RBM18: variants seen among roughly 807,000 people sequenced by gnomAD.
RBM18 encodes the protein RNA binding motif protein 18.
Under a neutral mutation model 26.4 loss-of-function variants are expected in RBM18, and 18 were observed. The observed-to-expected ratio is 0.68, with a 90% CI of 0.47 to 1.01. The LOEUF is 1.01. RBM18 is among the 50% of genes least tolerant of loss of function. The pLI is 0.00. For missense variants in RBM18, 180 were observed against 219.2 expected (o/e 0.82, Z 1.13); for synonymous variants, 74 against 81.1 (o/e 0.91, Z 0.47).
At chr9:122,261,163 G>A (rs1326018399) in intron 2 of RBM18, among the ~76,000 whole-genome samples, 1 of 152,026 alleles carries the variant, frequency 6.6e-6, no homozygotes, top group East Asian at 1.9e-4. Flanking sequence ...ACAGGTATAT[G>A]GATTAAAGGA....
Position 122,247,619 on chromosome 9 carries a change from G to C in RBM18, c.241-15C>G. On this transcript the variant is annotated splice_polypyrimidine_tract_variant and intron_variant, in intron 3 of 5. Transcript: ENST00000417201. ...TGCTCTGCTTCCTGTCCAGGAAAGG[G>C]ACAAATGTTAGTTAAAAACTGAAAT... 1.2e-6 allele frequency: 2 copies of C among 1,608,088 alleles called. No homozygotes were observed. The highest frequency in any genetic ancestry group is 1.7e-6 in the Non-Finnish European group (2 of 1,174,984).
At chr9:122,250,186 T>G (rs1831577775) in intron 3 of RBM18, among the ~76,000 whole-genome samples, 1 of 151,848 alleles carries the variant, frequency 6.6e-6, no homozygotes, top group Admixed American at 6.6e-5. Context: ...GTACAAAAAT[T>G]AGAGGAAATA....
chr9:122,256,867 C>G (rs1831705467), intron 2 of RBM18, among the ~76,000 whole-genome samples: 1 of 152,128 alleles, frequency 6.6e-6, no homozygotes, highest in Admixed American at 6.5e-5. Flanking sequence ...ATGCTCAGAT[C>G]ATTTAGCTGA....
intron 4 of RBM18, among the ~76,000 whole-genome samples, chr9:122,246,445 T>C (rs1831506891): frequency 6.6e-6 from 1 of 152,250 alleles, no homozygotes; most frequent in South Asian, 2.1e-4. Context: ...TGGAGGATGA[T>C]TTCTCTTGCG....
At chr9:122,251,362 A>G (rs1272873938) in intron 3 of RBM18, among the ~76,000 whole-genome samples, 1 of 152,236 alleles carries the variant, frequency 6.6e-6, no homozygotes, top group Non-Finnish European at 1.5e-5. Flanking sequence ...CCATGTATAT[A>G]TCATGGTTGA....
chr9:122,237,752 G>A lies in RBM18; in HGVS notation c.*4132C>T, dbSNP rs892768481. The A allele has an allele frequency of 6.6e-6, 1 of 152,154 alleles. No homozygotes were observed. The highest frequency in any genetic ancestry group is 1.5e-5 in the Non-Finnish European group (1 of 68,032). 9.4% of individuals were successfully genotyped at this position (152,154 alleles called of 1,614,324 possible). ...GGCAAATTTTTCCTGTAAAGGGACCGATAGTATATATTTCAGGTTTTGTAG... is the reference window on the plus strand; with the variant it reads ...GGCAAATTTTTCCTGTAAAGGGACCAATAGTATATATTTCAGGTTTTGTAG... On this transcript the variant is annotated 3_prime_UTR_variant, in exon 6 of 6. Coordinates refer to ENST00000417201, the MANE Select transcript of RBM18 (RefSeq NM_033117.4).
intron 5 of RBM18, among the ~76,000 whole-genome samples, chr9:122,243,142 T>A (rs1410982073): frequency 6.6e-6 from 1 of 152,134 alleles, no homozygotes; most frequent in Non-Finnish European, 1.5e-5. Flanking sequence ...CTGATTTTTT[T>A]AACTTTTTTT....
chr9:122,250,081 G>A (rs115661980), intron 3 of RBM18, among the ~76,000 whole-genome samples: 543 of 29,920 alleles, frequency 0.018, 2 homozygotes, highest in Middle Eastern at 0.083. Flanking sequence ...AAAAAAAAAA[G>A]AATGCTAATT....
At chr9:122,247,238 C>T (rs557521526) in intron 4 of RBM18, among the ~76,000 whole-genome samples, 7 of 151,996 alleles carry the variant, frequency 4.6e-5, no homozygotes, top group Non-Finnish European at 1.0e-4. Context: ...ACCCTCCACC[C>T]GAAGAAATGA....
intron 1 of RBM18, among the ~76,000 whole-genome samples, chr9:122,263,921 C>T (rs186378459): frequency 7.6e-4 from 116 of 152,366 alleles, no homozygotes; most frequent in African/African-American, 2.8e-3. Flanking sequence ...TAAGCATCCT[C>T]TCGATAGAAA....
intron 2 of RBM18, among the ~76,000 whole-genome samples, chr9:122,258,053 T>C (rs547963759): frequency 1.3e-5 from 2 of 152,236 alleles, no homozygotes; most frequent in African/African-American, 2.4e-5. Context: ...TGGGAATTAC[T>C]GCATTTTATA....
At chr9:122,257,392 C>T (rs536005770) in intron 2 of RBM18, among the ~76,000 whole-genome samples, 12 of 152,300 alleles carry the variant, frequency 7.9e-5, no homozygotes, top group Middle Eastern at 3.4e-3. Flanking sequence ...GTGATCCGCC[C>T]GCCTCTGCCT....
At position 122,240,498 on chromosome 9, in the gene RBM18, G is replaced by A. The variant is rs959021405; in HGVS notation, c.*1386C>T. 2 of 152,186 alleles carry A rather than the reference G, an allele frequency of 1.3e-5. No individual in the cohort carries two copies. Among genetic ancestry groups the A allele is most frequent in the African/African-American group, 4.8e-5 (2 of 41,440 alleles). The allele number at this position is 152,186 out of a possible 1,614,324, so 9.4% of individuals were successfully genotyped here. A position where few individuals can be genotyped will look rare whatever the true frequency, so the allele number is the denominator to read the frequency against. On this transcript the variant is annotated 3_prime_UTR_variant, in exon 6 of 6. Transcript: ENST00000417201. ...ATTTATACTCATGGGAAGATGTTAA[G>A]TTCCTATATTGAAAGCTTCCTCTTG...
intron 4 of RBM18, 90 bp downstream of exon 4, chr9:122,247,428 G>A (rs1398899306): frequency 4.7e-6 from 5 of 1,060,452 alleles, no homozygotes; most frequent in African/African-American, 1.5e-5. Flanking sequence ...GGTGTGAAGA[G>A]ATTGGGACAT....
At chr9:122,253,741 C>G (rs1395361511) in intron 2 of RBM18, among the ~76,000 whole-genome samples, 1 of 148,924 alleles carries the variant, frequency 6.7e-6, no homozygotes, top group Non-Finnish European at 1.5e-5. Flanking sequence ...AAAAAAAAAT[C>G]TAGGCCAGGC....
chr9:122,258,802 T>C (rs1221911805), intron 2 of RBM18, among the ~76,000 whole-genome samples: 1 of 148,248 alleles, frequency 6.7e-6, no homozygotes, highest in Non-Finnish European at 1.5e-5. Flanking sequence ...AACAACAAAC[T>C]AGCCAGGCAT....
intron 5 of RBM18, among the ~76,000 whole-genome samples, chr9:122,243,135 A>AT (rs915926215): frequency 2.0e-4 from 31 of 151,836 alleles, no homozygotes; most frequent in African/African-American, 7.0e-4. Flanking sequence ...GCCCCATCTG[A>AT]TTTTTTTAAC....
chr9:122,250,258 A>G (rs1378090153), intron 3 of RBM18, among the ~76,000 whole-genome samples: 3 of 152,180 alleles, frequency 2.0e-5, no homozygotes, highest in African/African-American at 7.2e-5. Flanking sequence ...ACATACTGAT[A>G]TATCATTTCT....
At chr9:122,261,284 T>A (rs2118977219) in intron 2 of RBM18, 96 bp downstream of exon 2, 1 of 814,774 alleles carries the variant, frequency 1.2e-6, no homozygotes, top group African/African-American at 1.7e-5. Context: ...TAAAAGGGTC[T>A]AAGTATATCC....
Sources: gnomAD v4.1 joint callset for allele counts (sites outside exome capture counted in the v4.1 genomes callset) on GRCh38, gnomAD v4.1.1 for gene constraint, MANE v1.5 for transcripts, NCBI Gene and HGNC (gene_info 2026-07-23, HGNC 2026-07-21) for gene names.